Variants in SOCS4 observed in about 807,000 individuals in gnomAD.
The protein encoded by SOCS4 is SH2 domain containing SOCS box protein.
A neutral mutation model predicts 34.1 loss-of-function variants in SOCS4; 20 were observed. The observed-to-expected ratio is 0.59, with a 90% CI of 0.41 to 0.85. The LOEUF (loss-of-function observed/expected upper bound fraction) is 0.85, where lower values mean the gene tolerates loss of function less well. Ranked by LOEUF, SOCS4 falls within the 40% of genes least tolerant of loss-of-function variation. The pLI, the probability that SOCS4 is intolerant of heterozygous loss-of-function variation, is 0.00. For synonymous variants in SOCS4, 180 were observed against 186.4 expected, an observed-to-expected ratio of 0.97 and a Z score of 0.28; for missense variants, 479 against 532.4, an observed-to-expected ratio of 0.90 and a Z score of 0.99.
chr14:55,046,754 G>A lies in SOCS4; in HGVS notation c.*2390G>A, dbSNP rs2042679686. ...GATTTTTATTTTTCCTTTGGTATTT[G>A]CTACAGTGAAAAGAAGTTTGGAAAG... On this transcript the variant is annotated 3_prime_UTR_variant, in exon 3 of 3. Transcript: ENST00000555846. The A allele has an allele frequency of 6.0e-6, 1 of 166,980 alleles. No homozygotes were observed. The highest frequency in any genetic ancestry group is 1.5e-5 in the Non-Finnish European group (1 of 68,052). 10.3% of individuals were successfully genotyped at this position (166,980 alleles called of 1,614,324 possible). A position where few individuals can be genotyped will look rare whatever the true frequency, so the allele number is the denominator to read the frequency against.
Position 55,045,759 on chromosome 14 carries a change from C to G in SOCS4, c.*1395C>G, listed in dbSNP as rs1235020170. 1 of 166,902 alleles carries G rather than the reference C, an allele frequency of 6.0e-6. No homozygotes were observed. Among genetic ancestry groups the G allele is most frequent in the Non-Finnish European group, 1.5e-5 (1 of 68,008 alleles). 10.3% of individuals were successfully genotyped at this position (166,902 alleles called of 1,614,324 possible). A position where few individuals can be genotyped will look rare whatever the true frequency, so the allele number is the denominator to read the frequency against. ...GGTGAGCTGTCTAACCCTTTGTACACATTGACATTTTTAATATCGTAACTG... is the reference window on the plus strand; with the variant it reads ...GGTGAGCTGTCTAACCCTTTGTACAGATTGACATTTTTAATATCGTAACTG... On this transcript the variant is annotated 3_prime_UTR_variant, in exon 3 of 3. Coordinates refer to ENST00000555846, the MANE Select transcript of SOCS4 (RefSeq NM_199421.2).
rs1195554897 is a variant in SOCS4 at position 55,042,989 on chromosome 14, G to T, written c.-53G>T. The T allele has an allele frequency of 2.0e-6, 3 of 1,508,418 alleles. No homozygotes were observed. The highest frequency in any genetic ancestry group is 2.6e-5 in the South Asian group (2 of 75,900). The allele number at this position is 1,508,418 out of a possible 1,614,324, so 93.4% of individuals were successfully genotyped here. A position where few individuals can be genotyped will look rare whatever the true frequency, so the allele number is the denominator to read the frequency against. ...AGTGCCCAGAAGAAACTTCCTGCTG[G>T]AAAAAATGAAAAAGCAGTATTTATA... On this transcript the variant is annotated 5_prime_UTR_variant, in exon 3 of 3. It introduces an in-frame stop codon into an upstream open reading frame of the 5' UTR. Coordinates refer to ENST00000555846, the MANE Select transcript of SOCS4 (RefSeq NM_199421.2).
Position 55,044,926 on chromosome 14 carries a change from T to TA in SOCS4, c.*566dup, listed in dbSNP as rs546522252. On this transcript the variant is annotated 3_prime_UTR_variant, in exon 3 of 3. Transcript: ENST00000555846. ...TTTTGTAACTTACTAATAGGGATGTTAAAAGTAACAAAACCAAGTCAAACT... is the reference window on the plus strand; with the variant it reads ...TTTTGTAACTTACTAATAGGGATGTTAAAAAGTAACAAAACCAAGTCAAACT... 353 of 167,162 alleles carry TA rather than the reference T, an allele frequency of 2.1e-3. 2 individuals are homozygous for TA. The highest frequency in any genetic ancestry group is 8.2e-3 in the African/African-American group (339 of 41,570). 10.4% of individuals were successfully genotyped at this position (167,162 alleles called of 1,614,324 possible).
chr14:55,039,021 G>A (rs1327635471), intron 2 of SOCS4, among the ~76,000 whole-genome samples: 1 of 152,126 alleles, frequency 6.6e-6, no homozygotes, highest in Non-Finnish European at 1.5e-5. Context: ...TTTTCTTGTT[G>A]TTTGGACTGA....
intron 2 of SOCS4, among the ~76,000 whole-genome samples, chr14:55,034,235 C>T (rs1434441548): frequency 6.6e-6 from 1 of 152,176 alleles, no homozygotes; most frequent in Admixed American, 6.5e-5. Context: ...TCCCATTCTT[C>T]TCTTAGGAAC....
At chr14:55,029,881 C>T (rs2042513254) in intron 1 of SOCS4, among the ~76,000 whole-genome samples, 2 of 152,106 alleles carry the variant, frequency 1.3e-5, no homozygotes, top group Admixed American at 1.3e-4. Context: ...CAGTAAAAGT[C>T]GTCCTCCTAC....
intron 2 of SOCS4, among the ~76,000 whole-genome samples, chr14:55,036,058 C>T (rs1418415713): frequency 3.9e-5 from 6 of 152,100 alleles, no homozygotes; most frequent in Admixed American, 6.5e-5. Flanking sequence ...TGCCTGCCGC[C>T]GCTATGCTGT....
intron 1 of SOCS4, among the ~76,000 whole-genome samples, chr14:55,030,208 A>C (rs2042516824): frequency 6.6e-6 from 1 of 152,184 alleles, no homozygotes; most frequent in Non-Finnish European, 1.5e-5. Context: ...ATTTGTACGT[A>C]AAACTTGTTA....
rs185362219 is a variant in SOCS4, at chr14:55,043,476, T to C, written c.435T>C (p.His145=). 1.2e-6 allele frequency: 2 copies of C among 1,614,190 alleles called. No homozygotes were observed. The highest frequency in any genetic ancestry group is 1.7e-5 in the Admixed American group (1 of 60,024). The stretch of plus-strand genomic sequence containing the variant: ...GATCAGATTTAGCCTTTAGGTGGCA[T>C]TTTATTAAACGACACACTGCTCCTA... The part of the protein sequence containing the change: ...PPRSDLAFRW[H]FIKRHTAPIN... Residue 145 remains histidine, a synonymous_variant, in exon 3 of 3, where the codon CAT becomes CAC. Coordinates refer to ENST00000555846, the MANE Select transcript of SOCS4 (RefSeq NM_199421.2).
intron 2 of SOCS4, among the ~76,000 whole-genome samples, chr14:55,037,576 C>T (rs2042584564): frequency 6.6e-6 from 1 of 151,918 alleles, no homozygotes; most frequent in Admixed American, 6.6e-5. Context: ...TCACTGCAAC[C>T]TCCGCCTCCC....
At chr14:55,041,397 AT>A (rs201626972) in intron 2 of SOCS4, among the ~76,000 whole-genome samples, 2 of 150,020 alleles carry the variant, frequency 1.3e-5, no homozygotes, top group South Asian at 2.1e-4. Flanking sequence ...AGTATGACTG[AT>A]TTTTTTTGTT....
intron 1 of SOCS4, among the ~76,000 whole-genome samples, chr14:55,029,555 A>G (rs953523230): frequency 6.6e-6 from 1 of 152,202 alleles, no homozygotes; most frequent in Non-Finnish European, 1.5e-5. Flanking sequence ...TATTACCTAT[A>G]TAAAATCATG....
rs553099777 is a variant in SOCS4 at position 55,031,117 on chromosome 14, C to A, written c.-219-746C>A. Reference sequence around the variant, plus strand: ...TTACAGATTGGAAGAAAAAATAAATCTGTTCAATCTAATTTATTCCATAAA... The same window carrying A: ...TTACAGATTGGAAGAAAAAATAAATATGTTCAATCTAATTTATTCCATAAA... On this transcript the variant is annotated intron_variant, in intron 1 of 2. Coordinates refer to ENST00000555846, the MANE Select transcript of SOCS4 (RefSeq NM_199421.2). 2.3e-3 allele frequency among the ~76,000 whole-genome samples: 351 copies of A among 152,186 alleles called. 2 individuals are homozygous for A. Among genetic ancestry groups the A allele is most frequent in the African/African-American group, 8.1e-3 (337 of 41,536 alleles).
In SOCS4 at chr14:55,043,565, A is replaced by T; in HGVS notation, c.524A>T (p.Gln175Leu). Residue 175 changes from glutamine (Q) to leucine (L), a missense_variant, in exon 3 of 3, where the codon CAG becomes CTG. Gln to Leu is a moderately radical substitution (Grantham distance 113). Transcript: ENST00000555846. ...DLSQTELRDG[Q>L]LKRRNMEENI... ...TCTCAGACTGAATTGAGGGATGGTC[A>T]GCTAAAACGAAGAAATATGGAAGAA... is the stretch of plus-strand genomic sequence containing the variant. The T allele has an allele frequency of 6.2e-7, 1 of 1,614,222 alleles. No individual in the cohort carries two copies. Among genetic ancestry groups the T allele is most frequent in the Non-Finnish European group, 8.5e-7 (1 of 1,180,036 alleles).
rs1566757027 is a variant in SOCS4, at chr14:55,043,800, T to C, written c.759T>C (p.Asp253=). The C allele has an allele frequency of 6.2e-7, 1 of 1,614,182 alleles. No individual in the cohort carries two copies. Among genetic ancestry groups the C allele is most frequent in the Non-Finnish European group, 8.5e-7 (1 of 1,180,020 alleles). ...KRNKPKWDLD[D]EILQLETPPK... ...ACAAACCCAAATGGGATTTGGATGA[T>C]GAAATCCTGCAGTTGGAAACACCTC... Residue 253 remains aspartate, a synonymous_variant, in exon 3 of 3, where the codon GAT becomes GAC. Transcript: ENST00000555846.
Position 55,047,560 on chromosome 14 carries a change from G to C in SOCS4, c.*3196G>C, listed in dbSNP as rs1401052116. ...ATTAAAGGAAGCTTTTAGTCAGCCT[G>C]TGGCTAGATTTATTGATTTGGTGAT... is the stretch of plus-strand genomic sequence containing the variant. On this transcript the variant is annotated 3_prime_UTR_variant, in exon 3 of 3. Coordinates refer to ENST00000555846, the MANE Select transcript of SOCS4 (RefSeq NM_199421.2). 1 of 167,090 alleles carries C rather than the reference G, an allele frequency of 6.0e-6. No homozygotes were observed. The highest frequency in any genetic ancestry group is 1.5e-5 in the Non-Finnish European group (1 of 68,112). 10.4% of individuals were successfully genotyped at this position (167,090 alleles called of 1,614,324 possible).
chr14:55,038,399 T>C (rs988154202), intron 2 of SOCS4, among the ~76,000 whole-genome samples: 2 of 152,210 alleles, frequency 1.3e-5, no homozygotes, highest in Non-Finnish European at 2.9e-5. Context: ...TGGATATGTG[T>C]GCTTCACTGT....
chr14:55,032,088 AATT>A (rs1163222743), intron 2 of SOCS4, 97 bp downstream of exon 2: 1 of 152,200 alleles, frequency 6.6e-6, no homozygotes, highest in East Asian at 1.9e-4. Flanking sequence ...TAGTATACTG[AATT>A]ATTCTTTATA....
rs2042687741 is a variant in SOCS4, at chr14:55,047,545, G to A, written c.*3181G>A. 2 of 167,070 alleles carry A rather than the reference G, an allele frequency of 1.2e-5. No homozygotes were observed. The highest frequency in any genetic ancestry group is 2.1e-4 in the South Asian group (1 of 4,836). 10.3% of individuals were successfully genotyped at this position (167,070 alleles called of 1,614,324 possible). A position where few individuals can be genotyped will look rare whatever the true frequency, so the allele number is the denominator to read the frequency against. The stretch of plus-strand genomic sequence containing the variant: ...CCTAATAGGAAGAAGATTAAAGGAA[G>A]CTTTTAGTCAGCCTGTGGCTAGATT... On this transcript the variant is annotated 3_prime_UTR_variant, in exon 3 of 3. Coordinates refer to ENST00000555846, the MANE Select transcript of SOCS4 (RefSeq NM_199421.2).
Sources: allele counts gnomAD v4.1 joint callset (sites outside exome capture counted in the v4.1 genomes callset), GRCh38; gene constraint gnomAD v4.1.1; transcripts MANE v1.5; gene names NCBI Gene and HGNC (gene_info 2026-07-23, HGNC 2026-07-21).